Variants in NUMB observed in about 807,000 individuals in gnomAD.
NUMB encodes NUMB endocytic adaptor protein.
NUMB carries 29 observed loss-of-function variants against 59.7 expected under a neutral mutation model. That is an observed-to-expected ratio of 0.49 (90% confidence interval 0.36 to 0.66). The LOEUF (loss-of-function observed/expected upper bound fraction) is 0.66, where lower values mean the gene tolerates loss of function less well. Ranked by LOEUF, NUMB falls within the 30% of genes least tolerant of loss-of-function variation. The pLI is 0.00. For synonymous variants in NUMB, 288 were observed against 288.2 expected (o/e 1.00, Z 0.01); for missense variants, 723 against 822.0 (o/e 0.88, Z 1.47).
At position 73,307,083 on chromosome 14, in the gene NUMB, G is replaced by T. The variant is rs368585892; in HGVS notation, c.234+9307C>A. Among the ~76,000 whole-genome samples, 120 of 152,322 alleles carry T rather than the reference G, an allele frequency of 7.9e-4. 2 individuals are homozygous for T. In the South Asian group the frequency reaches 0.024, roughly 31 times the overall value. On this transcript the variant is annotated intron_variant, in intron 6 of 12. Coordinates refer to ENST00000555238, the MANE Select transcript of NUMB (RefSeq NM_001005743.2). ...CCAGCACTTTGGGAGGCCAAGGCGG[G>T]TGGATCACGAGGTCAGGTGATTGAG...
At chr14:73,348,236 G>C (rs1298838627) in intron 4 of NUMB, among the ~76,000 whole-genome samples, 2 of 152,152 alleles carry the variant, frequency 1.3e-5, no homozygotes, top group African/African-American at 4.8e-5. Flanking sequence ...TTGTACTCTG[G>C]GAGTCAGTTG....
chr14:73,282,002 A>C (rs915108306), intron 11 of NUMB, among the ~76,000 whole-genome samples: 1 of 152,244 alleles, frequency 6.6e-6, no homozygotes, highest in Non-Finnish European at 1.5e-5. Context: ...TACACTAAAG[A>C]AAGCATAACC....
At position 73,348,927 on chromosome 14, in the gene NUMB, G is replaced by A. The variant is rs138453609; in HGVS notation, c.126+6699C>T. On this transcript the variant is annotated intron_variant, in intron 4 of 12. Transcript: ENST00000555238. ...AAACCTCTCAGAATCTGTGAATGAA[G>A]TGTTAAAAAAATTATAAATAGGATA... is the stretch of plus-strand genomic sequence containing the variant. Among the ~76,000 whole-genome samples, 372 of 152,264 alleles carry A rather than the reference G, an allele frequency of 2.4e-3. 3 individuals are homozygous for A. The highest frequency in any genetic ancestry group is 8.5e-3 in the African/African-American group (352 of 41,554).
intron 4 of NUMB, among the ~76,000 whole-genome samples, chr14:73,330,387 A>G (rs1039107799): frequency 2.0e-5 from 3 of 152,006 alleles, no homozygotes; most frequent in East Asian, 1.9e-4. Flanking sequence ...TTCCATATAT[A>G]TATTTTTTTC....
intron 4 of NUMB, among the ~76,000 whole-genome samples, chr14:73,334,943 C>G (rs1196466486): frequency 8.8e-6 from 1 of 113,134 alleles, no homozygotes; most frequent in African/African-American, 3.4e-5. Flanking sequence ...GAGCAAAACT[C>G]TGTCTCAAAA....
rs867837347 is a variant in NUMB, at chr14:73,315,948, G to A, written c.234+442C>T. Among the ~76,000 whole-genome samples, 9 of 152,142 alleles carry A rather than the reference G, an allele frequency of 5.9e-5. No homozygotes were observed. In the Middle Eastern group the frequency reaches 0.01, roughly 172 times the overall value. ...GTCACCCAGGCTGGAGTGCAGTGGC[G>A]TGATCTCGGCTCACTGCAACCTCCA... is the stretch of plus-strand genomic sequence containing the variant. On this transcript the variant is annotated intron_variant, in intron 6 of 12. Coordinates refer to ENST00000555238, the MANE Select transcript of NUMB (RefSeq NM_001005743.2).
intron 2 of NUMB, among the ~76,000 whole-genome samples, chr14:73,385,901 A>G (rs1022951903): frequency 6.6e-6 from 1 of 152,178 alleles, no homozygotes; most frequent in African/African-American, 2.4e-5. Context: ...AATGAGTTTG[A>G]TAGTTAAGGC....
chr14:73,363,660 G>A (rs550777397), intron 3 of NUMB, among the ~76,000 whole-genome samples: 2 of 151,838 alleles, frequency 1.3e-5, no homozygotes, highest in Admixed American at 6.6e-5. Context: ...TGCAAAAATC[G>A]TTAACAGTCC....
At chr14:73,355,580 G>A (rs1166071694) in intron 4 of NUMB, 46 bp downstream of exon 4, 5 of 1,556,248 alleles carry the variant, frequency 3.2e-6, no homozygotes, top group Non-Finnish European at 4.3e-6. Context: ...ACACTAGATT[G>A]TCAGTTCTTT....
At chr14:73,457,579 A>C (rs567852940) in intron 1 of NUMB, 1 of 152,234 alleles carries the variant, frequency 6.6e-6, no homozygotes, top group East Asian at 1.9e-4. Flanking sequence ...CCCATTTTGC[A>C]TGACTCCTCT....
chr14:73,279,185 T>G (rs1888428935), intron 12 of NUMB, 96 bp downstream of exon 12: 9 of 1,371,804 alleles, frequency 6.6e-6, no homozygotes, highest in Non-Finnish European at 9.3e-6. Flanking sequence ...CTGAAAGGAT[T>G]CCTCCCTAGT....
chr14:73,314,250 G>T (rs1393073936), intron 6 of NUMB, among the ~76,000 whole-genome samples: 2 of 152,112 alleles, frequency 1.3e-5, no homozygotes, highest in Non-Finnish European at 2.9e-5. Flanking sequence ...TGTGGGCTCT[G>T]AAGTCAGATT....
At chr14:73,448,127 G>A (rs1883668642) in intron 1 of NUMB, among the ~76,000 whole-genome samples, 1 of 151,822 alleles carries the variant, frequency 6.6e-6, no homozygotes. Context: ...ATTTGGGACT[G>A]CTTTCCTTGC....
rs1566756859 is a variant in NUMB, at chr14:73,353,069, C to CTTTTTTTTTTTTTTT, written c.126+2556_126+2557insAAAAAAAAAAAAAAA. Among the ~76,000 whole-genome samples, 4 of 18,082 alleles carry CTTTTTTTTTTTTTTT rather than the reference C, an allele frequency of 2.2e-4. 1 individual carries two copies. Among genetic ancestry groups the CTTTTTTTTTTTTTTT allele is most frequent in the Non-Finnish European group, 4.1e-4 (4 of 9,836 alleles). 11.9% of individuals were successfully genotyped at this position (18,082 alleles called of 152,430 possible). ...CAACTTAATGGATGCCACAGTTTTT[C>CTTTTTTTTTTTTTTT]TTGTTTTTTTTTTTTTTTTTTTTTT... On this transcript the variant is annotated intron_variant, in intron 4 of 12. Coordinates refer to ENST00000555238, the MANE Select transcript of NUMB (RefSeq NM_001005743.2).
At chr14:73,388,982 C>T (rs1895689908) in intron 2 of NUMB, among the ~76,000 whole-genome samples, 1 of 151,864 alleles carries the variant, frequency 6.6e-6, no homozygotes, top group African/African-American at 2.4e-5. Flanking sequence ...GCCTGCAGTC[C>T]CAGCTACCAG....
At chr14:73,456,919 A>G (rs1884415272) in intron 1 of NUMB, among the ~76,000 whole-genome samples, 1 of 152,210 alleles carries the variant, frequency 6.6e-6, no homozygotes, top group Non-Finnish European at 1.5e-5. Flanking sequence ...GATGCAAGCT[A>G]ACATCTGCGA....
chr14:73,276,826 C>T lies in NUMB; in HGVS notation c.1708G>A (p.Ala570Thr), dbSNP rs151327366. The change falls in exon 13 of 13, where the codon GCT becomes ACT. Residue 570 changes from alanine (A) to threonine (T), a missense_variant. Coordinates refer to ENST00000555238, the MANE Select transcript of NUMB (RefSeq NM_001005743.2). The part of the protein sequence containing the change: ...QTFPHYEASS[A>T]TTSPFFKPPA... ...GGCTTAAAGAAGGGACTGGTGGTAG[C>T]ACTGCTTGCCTCGTAGTGAGGGAAT... 1.7e-5 allele frequency: 27 copies of T among 1,614,008 alleles called. No individual in the cohort carries two copies. In the African/African-American group the frequency reaches 3.2e-4, roughly 19 times the overall value.
At chr14:73,407,218 G>A (rs1029753792) in intron 2 of NUMB, among the ~76,000 whole-genome samples, 2 of 151,914 alleles carry the variant, frequency 1.3e-5, no homozygotes, top group African/African-American at 2.4e-5. Flanking sequence ...TTGGGAGGCC[G>A]AGATGAGCAG....
chr14:73,401,820 C>T (rs532119544), intron 2 of NUMB, among the ~76,000 whole-genome samples: 42 of 152,170 alleles, frequency 2.8e-4, no homozygotes, highest in African/African-American at 9.9e-4. Flanking sequence ...CCGCCCACCT[C>T]GGCCTCCCAG....
Sources: allele counts gnomAD v4.1 joint callset (sites outside exome capture counted in the v4.1 genomes callset), GRCh38; gene constraint gnomAD v4.1.1; transcripts MANE v1.5; gene names NCBI Gene and HGNC (gene_info 2026-07-23, HGNC 2026-07-21).